ANAPC1: variants seen among roughly 807,000 people sequenced by gnomAD.
ANAPC1 encodes anaphase-promoting complex subunit 1.
In ANAPC1, 36 loss-of-function variants were observed where a neutral mutation model predicts 208.0. The ratio of observed to expected loss-of-function variants is 0.17; its 90% CI spans 0.13 to 0.23. The LOEUF (loss-of-function observed/expected upper bound fraction) is 0.23. ANAPC1 is among the 10% of genes least tolerant of loss of function. ANAPC1 has a pLI of 1.00. For synonymous variants in ANAPC1, 378 were observed against 695.2 expected, an observed-to-expected ratio of 0.54 and a Z score of 7.18; for missense variants, 942 against 2,011.6, an observed-to-expected ratio of 0.47 and a Z score of 10.17.
chr2:111,870,609 T>G (rs1436186766), intron 6 of ANAPC1, among the ~76,000 whole-genome samples: 2 of 152,240 alleles, frequency 1.3e-5, no homozygotes, highest in African/African-American at 4.8e-5. Flanking sequence ...AGTGCTTTGT[T>G]GGATGCATAG....
At chr2:111,770,536 T>C (rs1385458102) in intron 47 of ANAPC1, among the ~76,000 whole-genome samples, 1 of 150,006 alleles carries the variant, frequency 6.7e-6, no homozygotes, top group African/African-American at 2.5e-5. Flanking sequence ...TTTTCTCTCC[T>C]CTTATTCTCT....
chr2:111,861,607 A>G (rs1483469179), intron 10 of ANAPC1, among the ~76,000 whole-genome samples: 2 of 141,288 alleles, frequency 1.4e-5, no homozygotes, highest in East Asian at 4.1e-4. Flanking sequence ...TCTTTTGAGG[A>G]CAGGGACAGT....
chr2:111,873,984 C>CA (rs1682898140), intron 3 of ANAPC1, among the ~76,000 whole-genome samples: 1 of 151,908 alleles, frequency 6.6e-6, no homozygotes, highest in Non-Finnish European at 1.5e-5. Flanking sequence ...AACTTTGCAG[C>CA]AAAAATTCAA....
intron 2 of ANAPC1, among the ~76,000 whole-genome samples, chr2:111,879,869 T>C (rs7563525): frequency 0.034 from 5,210 of 151,528 alleles, 194 homozygotes; most frequent in African/African-American, 0.087. Context: ...TGAAACTCCG[T>C]CTCAGGAAAA....
At chr2:111,772,294 G>C in intron 47 of ANAPC1, 47 bp downstream of exon 47, 1 of 1,613,702 alleles carries the variant, frequency 6.2e-7, no homozygotes, top group South Asian at 1.1e-5. Context: ...GAACATAAAG[G>C]GGTAGGTAAC....
intron 1 of ANAPC1, among the ~76,000 whole-genome samples, chr2:111,882,642 C>T (rs1027443344): frequency 6.7e-6 from 1 of 149,492 alleles, no homozygotes; most frequent in Non-Finnish European, 1.5e-5. Context: ...GAGGCTAAGG[C>T]AAGAGAATCG....
intron 6 of ANAPC1, among the ~76,000 whole-genome samples, chr2:111,869,045 A>C (rs1682591462): frequency 6.6e-6 from 1 of 152,142 alleles, no homozygotes; most frequent in Non-Finnish European, 1.5e-5. Context: ...GCTAGTAAAC[A>C]TCTGCCATTT....
At chr2:111,859,897 A>C (rs1025022035) in intron 10 of ANAPC1, among the ~76,000 whole-genome samples, 15 of 152,136 alleles carry the variant, frequency 9.9e-5, no homozygotes, top group African/African-American at 3.6e-4. Context: ...CGTATAGCCT[A>C]CTACTTCACA....
At chr2:111,792,939 C>T (rs186407413) in intron 37 of ANAPC1, among the ~76,000 whole-genome samples, 1,528 of 151,866 alleles carry the variant, frequency 0.01, 28 homozygotes, top group African/African-American at 0.035. Flanking sequence ...GGAGACAGAG[C>T]GAGACGCTGT....
At chr2:111,823,619 GCTGCTA>G in intron 24 of ANAPC1, among the ~76,000 whole-genome samples, 1 of 152,228 alleles carries the variant, frequency 6.6e-6, no homozygotes, top group East Asian at 1.9e-4. Context: ...TGAATGGCCC[GCTGCTA>G]CTGCTACATG....
At chr2:111,821,598 A>G (rs1339571617) in intron 25 of ANAPC1, 145 bp from the exon 26 acceptor site, 2 of 661,220 alleles carry the variant, frequency 3.0e-6, no homozygotes, top group Middle Eastern at 4.0e-4. Context: ...TTGGAGCCGC[A>G]ATGTATACTG....
At chr2:111,829,836 G>A (rs1680037775) in intron 21 of ANAPC1, among the ~76,000 whole-genome samples, 1 of 152,094 alleles carries the variant, frequency 6.6e-6, no homozygotes, top group African/African-American at 2.4e-5. Flanking sequence ...TTGGGAGGCT[G>A]AGCCAGGCGG....
intron 3 of ANAPC1, among the ~76,000 whole-genome samples, chr2:111,876,084 G>C (rs62165440): frequency 0.075 from 11,457 of 151,908 alleles, 597 homozygotes; most frequent in South Asian, 0.21. Context: ...GGCTGAAACA[G>C]AGTGAGACTA....
At chr2:111,802,005 A>G (rs71279288) in intron 33 of ANAPC1, among the ~76,000 whole-genome samples, 34,382 of 150,146 alleles carry the variant, frequency 0.23, 4,097 homozygotes, top group Middle Eastern at 0.36. Context: ...ATAGTAATCC[A>G]AAAATGTAAA....
intron 18 of ANAPC1, 42 bp from the exon 19 acceptor site, chr2:111,834,914 C>T: frequency 7.4e-7 from 1 of 1,346,888 alleles, no homozygotes; most frequent in Non-Finnish European, 9.7e-7. Context: ...AAAATAATAC[C>T]TCCTTATAAT....
chr2:111,823,954 G>A (rs1175569953), intron 24 of ANAPC1, among the ~76,000 whole-genome samples: 4 of 138,278 alleles, frequency 2.9e-5, no homozygotes, highest in East Asian at 4.2e-4. Flanking sequence ...AAACATATAC[G>A]TTTGACATAT....
chr2:111,824,008 GGTTA>G (rs990540250), intron 24 of ANAPC1, among the ~76,000 whole-genome samples: 6 of 146,586 alleles, frequency 4.1e-5, no homozygotes, highest in Admixed American at 2.1e-4. Flanking sequence ...TTTATCCTCA[GGTTA>G]ATTAAATCAT....
chr2:111,835,158 G>A lies in ANAPC1; in HGVS notation c.2116-286C>T, dbSNP rs185770330. ...ATTATACTATTTAGGTAGAGATTGAGAGAGAAAATTTAAGATTATCTCAGG... is the reference window on the plus strand; with the variant it reads ...ATTATACTATTTAGGTAGAGATTGAAAGAGAAAATTTAAGATTATCTCAGG... On this transcript the variant is annotated intron_variant, in intron 18 of 47. Coordinates refer to ENST00000341068, the MANE Select transcript of ANAPC1 (RefSeq NM_022662.4). 9.9e-5 allele frequency among the ~76,000 whole-genome samples: 15 copies of A among 152,264 alleles called. 1 individual carries two copies. Among genetic ancestry groups the A allele is most frequent in the African/African-American group, 2.4e-4 (10 of 41,546 alleles).
At chr2:111,877,672 T>C (rs1024679439) in intron 3 of ANAPC1, among the ~76,000 whole-genome samples, 3 of 152,076 alleles carry the variant, frequency 2.0e-5, no homozygotes, top group Non-Finnish European at 4.4e-5. Context: ...CAGTCCCAGC[T>C]ACTCGGGAGG....
Sources: allele counts gnomAD v4.1 joint callset (sites outside exome capture counted in the v4.1 genomes callset), GRCh38; gene constraint gnomAD v4.1.1; transcripts MANE v1.5; gene names NCBI Gene and HGNC (gene_info 2026-07-23, HGNC 2026-07-21).